GUCY2F: variants seen among roughly 807,000 people sequenced by gnomAD.
GUCY2F encodes the protein guanylate cyclase 2F, retinal.
A neutral mutation model predicts 73.1 loss-of-function variants in GUCY2F; 61 were observed. The ratio of observed to expected loss-of-function variants is 0.83; its 90% CI spans 0.68 to 1.03. GUCY2F has a LOEUF of 1.03. Among genes scored for constraint, GUCY2F ranks in the 50% least tolerant of loss-of-function variants. The pLI is 0.00. For missense variants in GUCY2F, 912 were observed against 854.3 expected (o/e 1.07, Z -0.84); for synonymous variants, 331 against 307.8 (o/e 1.08, Z -0.79).
chrX:109,401,977 T>C (rs1930849750), intron 10 of GUCY2F, among the ~76,000 whole-genome samples: 1 of 111,311 alleles, frequency 9.0e-6, no homozygotes, highest in African/African-American at 3.3e-5. Context: ...GTGGTTAGCA[T>C]GAGAGGTCAG....
chrX:109,387,823 A>G (rs1930470357), intron 15 of GUCY2F, among the ~76,000 whole-genome samples: 1 of 111,833 alleles, frequency 8.9e-6, no homozygotes, highest in African/African-American at 3.3e-5. Context: ...GAAAAGCAGC[A>G]TTCACAGAGT....
In GUCY2F at chrX:109,412,692, A is replaced by T. The variant is rs1931140431; in HGVS notation, c.1792-3524T>A. ...TTCTTCTTGGGCAGAGAGCTAATCC[A>T]TATTTTCCAGTCTTTCTTGGACCTA... On this transcript the variant is annotated intron_variant, in intron 8 of 19. Coordinates refer to ENST00000218006, the MANE Select transcript of GUCY2F (RefSeq NM_001522.3). 7.1e-5 allele frequency among the ~76,000 whole-genome samples: 8 copies of T among 112,519 alleles called. No homozygotes were observed. In the South Asian group the frequency reaches 2.9e-3, roughly 41 times the overall value.
At chrX:109,388,249 C>T (rs754539777) in intron 15 of GUCY2F, among the ~76,000 whole-genome samples, 2 of 111,309 alleles carry the variant, frequency 1.8e-5, no homozygotes, top group East Asian at 5.7e-4. Context: ...GGAAATATTG[C>T]CTCTAACCAA....
chrX:109,408,336 T>C (rs1013931128), intron 9 of GUCY2F, among the ~76,000 whole-genome samples: 2 of 112,547 alleles, frequency 1.8e-5, no homozygotes. Context: ...CCATTGTAAC[T>C]AGGAAGCAAC....
intron 2 of GUCY2F, among the ~76,000 whole-genome samples, chrX:109,470,728 C>G (rs909240944): frequency 2.7e-5 from 3 of 111,227 alleles, no homozygotes; most frequent in Non-Finnish European, 5.7e-5. Context: ...ACCAGAAACT[C>G]AGGAGGAGGA....
Position 109,475,765 on chromosome X carries a change from C to G in GUCY2F, c.172G>C (p.Val58Leu). Residue 58 changes from valine to leucine, a missense_variant, in exon 2 of 20, where the codon GTG (valine) becomes CTG (leucine). By Grantham distance (32) the Val-to-Leu change is conservative (BLOSUM62 1). Coordinates refer to ENST00000218006, the MANE Select transcript of GUCY2F (RefSeq NM_001522.3). The stretch of plus-strand genomic sequence containing the variant: ...AGCGAATCACAAGCCCAAGGGCCCA[C>G]CACCCCTATCTTGTAGGGGAGTGTC... ...VWTLPYKIGV[V>L]GPWACDSLFS... 1 of 1,210,334 alleles carries G rather than the reference C, an allele frequency of 8.3e-7. No individual in the cohort carries two copies. The highest frequency in any genetic ancestry group is 1.1e-6 in the Non-Finnish European group (1 of 894,267).
At chrX:109,380,735 G>C (rs989578280) in intron 17 of GUCY2F, among the ~76,000 whole-genome samples, 1 of 111,980 alleles carries the variant, frequency 8.9e-6, no homozygotes, top group African/African-American at 3.2e-5. Context: ...AAAGATGTGA[G>C]TGCTCCTGAA....
chrX:109,405,704 C>T (rs190094161), intron 9 of GUCY2F, among the ~76,000 whole-genome samples: 52 of 111,498 alleles, frequency 4.7e-4, no homozygotes, highest in Admixed American at 4.4e-3. Flanking sequence ...TGTTGTCTAA[C>T]GGTTGCTTTT....
At position 109,425,597 on chromosome X, in the gene GUCY2F, T is replaced by A. The variant is rs187181309; in HGVS notation, c.1791+4710A>T. 3.0e-3 allele frequency among the ~76,000 whole-genome samples: 326 copies of A among 108,062 alleles called. 2 individuals are homozygous for A. Among genetic ancestry groups the A allele is most frequent in the African/African-American group, 0.01 (306 of 29,554 alleles). The allele number at this position is 108,062 out of a possible 115,157, so 93.8% of individuals were successfully genotyped here. ...TTCTCACTCATAAGTGGGAGCTAAG[T>A]TATGAGGATGCAAAGGCATAAGAAT... On this transcript the variant is annotated intron_variant, in intron 8 of 19. Coordinates refer to ENST00000218006, the MANE Select transcript of GUCY2F (RefSeq NM_001522.3).
intron 19 of GUCY2F, among the ~76,000 whole-genome samples, chrX:109,375,413 T>A (rs1413722978): frequency 1.8e-5 from 2 of 111,168 alleles, no homozygotes; most frequent in African/African-American, 6.6e-5. Context: ...GCAAAATTGA[T>A]CCTTTGAAAG....
intron 5 of GUCY2F, among the ~76,000 whole-genome samples, chrX:109,451,698 G>C (rs1932137310): frequency 9.0e-6 from 1 of 111,575 alleles, no homozygotes; most frequent in African/African-American, 3.3e-5. Context: ...ATGGTTATAG[G>C]AGACTCTGCT....
At chrX:109,452,692 T>A (rs189600314) in intron 4 of GUCY2F, among the ~76,000 whole-genome samples, 16 of 111,895 alleles carry the variant, frequency 1.4e-4, no homozygotes, top group African/African-American at 4.2e-4. Context: ...GAAGAGGTAG[T>A]TGGGTATATC....
intron 1 of GUCY2F, 127 bp from the exon 2 acceptor site, chrX:109,476,148 A>C: frequency 6.0e-6 from 2 of 333,901 alleles, no homozygotes; most frequent in Non-Finnish European, 5.1e-6. Context: ...TCTTTCCCCC[A>C]TCCTGACAAA....
In GUCY2F at chrX:109,452,097, A is replaced by T; in HGVS notation, c.1398T>A (p.Pro466=). The part of the protein sequence containing the change: ...EGKICHGGID[P]AFAMMVCLTL... ...TAAGGCAGACCATCATGGCAAAGGC[A>T]GGGTCGATGCCTGCAGAGAGTGAGA... The change falls in exon 5 of 20, where the codon CCT becomes CCA. Residue 466 remains proline, a synonymous_variant. Transcript: ENST00000218006. 9.2e-7 allele frequency: 1 copy of T among 1,088,788 alleles called. No individual in the cohort carries two copies. The highest frequency in any genetic ancestry group is 1.3e-6 in the Non-Finnish European group (1 of 783,221). 89.7% of individuals were successfully genotyped at this position (1,088,788 alleles called of 1,213,427 possible).
Position 109,376,153 on chromosome X carries a change from C to T in GUCY2F, c.3165G>A (p.Glu1055=). 1.7e-6 allele frequency: 2 copies of T among 1,188,474 alleles called. No homozygotes were observed. Among genetic ancestry groups the T allele is most frequent in the Non-Finnish European group, 2.3e-6 (2 of 874,380 alleles). The change falls in exon 18 of 20, where the codon GAG becomes GAA. Residue 1055 remains glutamate, a synonymous_variant. Coordinates refer to ENST00000218006, the MANE Select transcript of GUCY2F (RefSeq NM_001522.3). ...TTTTCCCAATCAGCCAGAAGGTTTCCTCTGTGCCTTTGCCCTTATTATAGA... is the reference window on the plus strand; with the variant it reads ...TTTTCCCAATCAGCCAGAAGGTTTCTTCTGTGCCTTTGCCCTTATTATAGA... The part of the protein sequence containing the change: ...GRTELKGKGT[E]ETFWLIGKKG...
intron 13 of GUCY2F, 117 bp downstream of exon 13, chrX:109,392,775 G>A (rs1460389796): frequency 2.2e-6 from 1 of 449,682 alleles, no homozygotes; most frequent in Non-Finnish European, 3.8e-6. Flanking sequence ...GAGAAGAGAA[G>A]GTGCAGGACA....
intron 7 of GUCY2F, among the ~76,000 whole-genome samples, chrX:109,436,245 A>C (rs903316110): frequency 2.7e-5 from 3 of 112,020 alleles, no homozygotes; most frequent in Non-Finnish European, 3.8e-5. Context: ...ATATCATCTC[A>C]CACCAGTTAG....
intron 3 of GUCY2F, among the ~76,000 whole-genome samples, chrX:109,461,485 T>C (rs775541689): frequency 7.1e-4 from 80 of 112,362 alleles, no homozygotes; most frequent in African/African-American, 2.5e-3. Flanking sequence ...CATAGAAATC[T>C]CTATTTCATT....
Position 109,467,393 on chromosome X carries a change from C to T in GUCY2F, c.731-1950G>A, listed in dbSNP as rs747644631. Among the ~76,000 whole-genome samples the T allele has an allele frequency of 4.5e-5, 5 of 112,302 alleles. No homozygotes were observed. In the South Asian group the frequency reaches 1.9e-3, roughly 42 times the overall value. ...GTAGATCAGTATTAGCATCTTTCTTCTGCAAATCAGAGATTGAGTGATTTG... is the reference window on the plus strand; with the variant it reads ...GTAGATCAGTATTAGCATCTTTCTTTTGCAAATCAGAGATTGAGTGATTTG... On this transcript the variant is annotated intron_variant, in intron 2 of 19. Transcript: ENST00000218006.
Sources: gnomAD v4.1 joint callset for allele counts (sites outside exome capture counted in the v4.1 genomes callset) on GRCh38, gnomAD v4.1.1 for gene constraint, MANE v1.5 for transcripts, NCBI Gene and HGNC (gene_info 2026-07-23, HGNC 2026-07-21) for gene names.